Variants in PKP1 observed in about 807,000 individuals in gnomAD.
The protein encoded by PKP1 is plakophilin 1, also known as plakophilin-1.
In PKP1, 27 loss-of-function variants were observed where a neutral mutation model predicts 76.4. The ratio of observed to expected loss-of-function variants is 0.35; its 90% confidence interval spans 0.26 to 0.49. PKP1 has a LOEUF of 0.49. PKP1 is among the 20% of genes least tolerant of loss of function. The probability of loss-of-function intolerance (pLI) is 0.99; values close to 1 mark genes in which losing one functional copy is unlikely to be tolerated. For synonymous variants in PKP1, 404 were observed against 384.2 expected (o/e 1.05, Z -0.60); for missense variants, 964 against 955.2 (o/e 1.01, Z -0.12).
chr1:201,324,816 C>T lies in PKP1; in HGVS notation c.1835-125C>T. The T allele has an allele frequency of 2.7e-6, 3 of 1,097,800 alleles. No homozygotes were observed. The South Asian group carries it at 4.3e-5, about 16-fold the overall frequency. The allele number at this position is 1,097,800 out of a possible 1,614,324, so 68.0% of individuals were successfully genotyped here. ...GCCCTGAGTTGGAGCTGCCAGGAAGCCCTGAGGGCCACCTGGCTCAGAGCC... is the reference window on the plus strand; with the variant it reads ...GCCCTGAGTTGGAGCTGCCAGGAAGTCCTGAGGGCCACCTGGCTCAGAGCC... On this transcript the variant is annotated intron_variant, in intron 10 of 13. Transcript: ENST00000367324.
At chr1:201,321,907 G>A in intron 7 of PKP1, 71 bp from the exon 8 acceptor site, 2 of 1,568,408 alleles carry the variant, frequency 1.3e-6, no homozygotes, top group Non-Finnish European at 1.8e-6. Flanking sequence ...TTATTAGCTA[G>A]GGTAGGTGGT....
At chr1:201,302,692 G>A (rs1656268660) in intron 2 of PKP1, among the ~76,000 whole-genome samples, 1 of 152,190 alleles carries the variant, frequency 6.6e-6, no homozygotes, top group Non-Finnish European at 1.5e-5. Flanking sequence ...GCACGGGGAG[G>A]GGACGGGGGA....
Position 201,283,627 on chromosome 1 carries a change from C to G in PKP1, c.-76C>G. The stretch of plus-strand genomic sequence containing the variant: ...AGAGCGAGAAGAGCACGCTCCTGCC[C>G]GCCCGCTGCACCGCACCTCGCCTCG... On this transcript the variant is annotated 5_prime_UTR_variant, in exon 1 of 14. Coordinates refer to ENST00000367324, the MANE Select transcript of PKP1 (RefSeq NM_001005337.3). 1 of 1,317,880 alleles carries G rather than the reference C, an allele frequency of 7.6e-7. No homozygotes were observed. Among genetic ancestry groups the G allele is most frequent in the Non-Finnish European group, 1.1e-6 (1 of 933,292 alleles). 81.6% of individuals were successfully genotyped at this position (1,317,880 alleles called of 1,614,324 possible). A position where few individuals can be genotyped will look rare whatever the true frequency, so the allele number is the denominator to read the frequency against.
Position 201,323,068 on chromosome 1 carries a change from G to T in PKP1, c.1559G>T (p.Gly520Val), listed in dbSNP as rs1194792897. ...PEEETNPKGS[G>V]WLYHSDAIRT... ...GAAGAGACCAACCCCAAGGGCAGCGGCTGGTTGTACCATTCAGATGCCATC... is the reference window on the plus strand; with the variant it reads ...GAAGAGACCAACCCCAAGGGCAGCGTCTGGTTGTACCATTCAGATGCCATC... The change falls in exon 9 of 14, where the codon GGC (glycine) becomes GTC (valine). Residue 520 changes from glycine to valine, a missense_variant. Physicochemically the swap from Gly to Val is moderately radical, Grantham distance 109 (BLOSUM62 -3). Coordinates refer to ENST00000367324, the MANE Select transcript of PKP1 (RefSeq NM_001005337.3). 3.7e-6 allele frequency: 6 copies of T among 1,614,160 alleles called. 1 individual carries two copies. Among genetic ancestry groups the T allele is most frequent in the Non-Finnish European group, 5.1e-6 (6 of 1,180,022 alleles).
At chr1:201,323,234 A>C in intron 9 of PKP1, 45 bp downstream of exon 9, 1 of 1,579,332 alleles carries the variant, frequency 6.3e-7, no homozygotes, top group Non-Finnish European at 8.7e-7. Flanking sequence ...CCCATCCTCC[A>C]GCCACCGTCC....
At chr1:201,293,832 G>A (rs1365164415) in intron 1 of PKP1, 110 bp from the exon 2 acceptor site, 6 of 744,790 alleles carry the variant, frequency 8.1e-6, no homozygotes, top group Non-Finnish European at 1.5e-5. Flanking sequence ...GCTCAGACCT[G>A]GTCTCCTCCA....
At chr1:201,304,050 C>T (rs1306038294) in intron 2 of PKP1, among the ~76,000 whole-genome samples, 1 of 152,178 alleles carries the variant, frequency 6.6e-6, no homozygotes, top group East Asian at 1.9e-4. Context: ...GGGTGCTATG[C>T]CCTGTGGGAG....
At chr1:201,300,679 C>T (rs543947735) in intron 2 of PKP1, among the ~76,000 whole-genome samples, 115 of 152,342 alleles carry the variant, frequency 7.5e-4, no homozygotes, top group African/African-American at 2.3e-3. Flanking sequence ...GTAACTCTGA[C>T]GTCTGGCTTC....
At chr1:201,303,089 G>A (rs922723902) in intron 2 of PKP1, among the ~76,000 whole-genome samples, 2 of 152,210 alleles carry the variant, frequency 1.3e-5, no homozygotes, top group African/African-American at 4.8e-5. Flanking sequence ...TTCGTCATTT[G>A]CATTCTACTG....
intron 1 of PKP1, among the ~76,000 whole-genome samples, chr1:201,288,663 T>A (rs1239553266): frequency 1.3e-5 from 2 of 152,038 alleles, no homozygotes; most frequent in East Asian, 3.9e-4. Flanking sequence ...ACACTTAATG[T>A]AGTAGTTGCT....
intron 6 of PKP1, chr1:201,319,747 G>GCTCT: frequency 6.5e-7 from 1 of 1,529,278 alleles, no homozygotes; most frequent in Non-Finnish European, 9.0e-7. Context: ...GGAGCTTCTG[G>GCTCT]TGCCCAGCCC....
At chr1:201,323,758 C>T (rs1204785987) in intron 9 of PKP1, among the ~76,000 whole-genome samples, 1 of 152,188 alleles carries the variant, frequency 6.6e-6, no homozygotes, top group Non-Finnish European at 1.5e-5. Flanking sequence ...CGAGCAGCAG[C>T]AGCACTAGAG....
intron 3 of PKP1, 118 bp from the exon 4 acceptor site, chr1:201,316,421 GGGCTGCCTTGTTCT>G: frequency 1.1e-6 from 1 of 896,526 alleles, no homozygotes; most frequent in Non-Finnish European, 1.7e-6. Context: ...AAGTGGGCCT[GGGCTGCCTTGTTCT>G]GGCTCTCCAG....
At chr1:201,310,017 A>T (rs1223057593) in intron 2 of PKP1, among the ~76,000 whole-genome samples, 1 of 152,212 alleles carries the variant, frequency 6.6e-6, no homozygotes, top group Non-Finnish European at 1.5e-5. Context: ...CTGTGGGGTG[A>T]GACTAGCACG....
intron 7 of PKP1, among the ~76,000 whole-genome samples, chr1:201,320,790 T>A (rs1197000974): frequency 6.6e-6 from 1 of 152,200 alleles, no homozygotes; most frequent in Non-Finnish European, 1.5e-5. Flanking sequence ...TGCTGAGGCC[T>A]GTCCTGTGAC....
At chr1:201,304,494 G>C (rs981359998) in intron 2 of PKP1, among the ~76,000 whole-genome samples, 3 of 152,196 alleles carry the variant, frequency 2.0e-5, no homozygotes, top group African/African-American at 7.2e-5. Flanking sequence ...GGCATCCCTT[G>C]GGACAGATGG....
chr1:201,292,654 T>C (rs1655951832), intron 1 of PKP1, among the ~76,000 whole-genome samples: 1 of 152,150 alleles, frequency 6.6e-6, no homozygotes, highest in African/African-American at 2.4e-5. Flanking sequence ...GTGTGGCAGA[T>C]GGGGAGGAGC....
At chr1:201,300,449 G>C (rs1325914856) in intron 2 of PKP1, among the ~76,000 whole-genome samples, 1 of 152,188 alleles carries the variant, frequency 6.6e-6, no homozygotes, top group Non-Finnish European at 1.5e-5. Context: ...TTCCTTTCTG[G>C]GCTTGCTCTC....
At chr1:201,323,278 C>A in intron 9 of PKP1, 89 bp downstream of exon 9, 2 of 1,311,214 alleles carry the variant, frequency 1.5e-6, no homozygotes, top group Non-Finnish European at 2.2e-6. Context: ...CCCAGCCTGT[C>A]CCCTGACTTC....
Sources: gnomAD v4.1 joint callset for allele counts (sites outside exome capture counted in the v4.1 genomes callset) on GRCh38, gnomAD v4.1.1 for gene constraint, MANE v1.5 for transcripts, NCBI Gene and HGNC (gene_info 2026-07-23, HGNC 2026-07-21) for gene names.